The following ZNF541 variants were observed in gnomAD, a reference collection of about 807,000 sequenced individuals.
The protein encoded by ZNF541 is zinc finger protein 541.
ZNF541 carries 23 observed loss-of-function variants against 123.5 expected under a neutral mutation model. That is an observed-to-expected ratio of 0.19 (90% CI 0.13 to 0.26). The LOEUF (loss-of-function observed/expected upper bound fraction) is 0.26. Among genes scored for constraint, ZNF541 ranks in the 10% least tolerant of loss-of-function variants. ZNF541 has a pLI of 1.00. For missense variants in ZNF541, 1,612 were observed against 1,789.9 expected (o/e 0.90, Z 1.79); for synonymous variants, 751 against 754.5 (o/e 1.00, Z 0.08).
At position 47,561,574 on chromosome 19, in the gene ZNF541, C is replaced by T. The variant is rs138109439; in HGVS notation, c.-98-5620G>A. On this transcript the variant is annotated intron_variant, in intron 2 of 16. Coordinates refer to ENST00000391901, the MANE Select transcript of ZNF541 (RefSeq NM_001277075.3). The stretch of plus-strand genomic sequence containing the variant: ...GTTTGGAAAGGACCAGAGAAGGCTT[C>T]CAAGCTCTCACCTCTGGCTGACCTT... Among the ~76,000 whole-genome samples the T allele has an allele frequency of 1.2e-3, 177 of 152,238 alleles. 1 individual carries two copies. The highest frequency in any genetic ancestry group is 6.8e-3 in the Middle Eastern group (2 of 294).
upstream of ZNF541, among the ~76,000 whole-genome samples, chr19:47,573,195 C>G (rs1461945996): frequency 6.7e-6 from 1 of 150,244 alleles, no homozygotes; most frequent in Non-Finnish European, 1.5e-5. Context: ...GGCCCACCCC[C>G]GGATCTCCTC....
chr19:47,549,581 C>T (rs1600036108), intron 3 of ZNF541, 96 bp from the exon 4 acceptor site: 10 of 1,497,140 alleles, frequency 6.7e-6, no homozygotes, highest in Non-Finnish European at 9.0e-6. Flanking sequence ...CCATGGTGGC[C>T]TTGTAAGTGT....
chr19:47,539,170 G>A (rs1406361610), intron 8 of ZNF541, among the ~76,000 whole-genome samples: 55 of 152,158 alleles, frequency 3.6e-4, no homozygotes, highest in Admixed American at 3.6e-3. Context: ...GGGAGGCAGG[G>A]CCCAGGCTAT....
chr19:47,521,162 G>A lies in ZNF541; in HGVS notation c.*62C>T. On this transcript the variant is annotated 3_prime_UTR_variant, in exon 17 of 17. Coordinates refer to ENST00000391901, the MANE Select transcript of ZNF541 (RefSeq NM_001277075.3). The surrounding 1 kb of genome is among the most constrained non-coding windows in gnomAD (Gnocchi z 4.2). ...GGCAGAGGGGTGCCCCAAACGCCCT[G>A]GAGAGGCCGAAGGGAGGAGGGGCAG... 6 of 1,520,836 alleles carry A rather than the reference G, an allele frequency of 3.9e-6. No homozygotes were observed. The highest frequency in any genetic ancestry group is 5.3e-6 in the Non-Finnish European group (6 of 1,128,448). The allele number at this position is 1,520,836 out of a possible 1,614,324, so 94.2% of individuals were successfully genotyped here.
chr19:47,538,272 T>G lies in ZNF541; in HGVS notation c.2964A>C (p.Leu988Phe). ...MFLVDCLLKG[L>F]FQCSPYTPPP... is the part of the protein sequence containing the mutation. ...GTGGTGTGTAGGGGGAGCACTGGAATAAGCCCTTCAGGAGGCAGTCCACCA... is the reference window on the plus strand; with the variant it reads ...GTGGTGTGTAGGGGGAGCACTGGAAGAAGCCCTTCAGGAGGCAGTCCACCA... Residue 988 changes from leucine to phenylalanine, a missense_variant, in exon 9 of 17, where the codon TTA becomes TTC. Transcript: ENST00000391901. 2.6e-6 allele frequency: 4 copies of G among 1,551,256 alleles called. No individual in the cohort carries two copies. Among genetic ancestry groups the G allele is most frequent in the Non-Finnish European group, 3.5e-6 (4 of 1,146,730 alleles).
intron 1 of ZNF541, among the ~76,000 whole-genome samples, chr19:47,572,673 C>G (rs1268918722): frequency 6.6e-6 from 1 of 150,628 alleles, no homozygotes; most frequent in Non-Finnish European, 1.5e-5. Flanking sequence ...CTGGAAGAGG[C>G]TAGCGAATGC....
rs771138312 is a variant in ZNF541 at position 47,540,303 on chromosome 19, G to A, written c.2495C>T (p.Thr832Met). The change falls in exon 7 of 17, where the codon ACG (threonine) becomes ATG (methionine). Residue 832 changes from threonine (T) to methionine (M), a missense_variant. Coordinates refer to ENST00000391901, the MANE Select transcript of ZNF541 (RefSeq NM_001277075.3). ...NQQNGSPTDWTKPRSTFVCKN... is the reference protein window; with the variant it reads ...NQQNGSPTDWMKPRSTFVCKN... Reference sequence around the variant, plus strand: ...GCAGACAAAAGTGCTCCTGGGCTTCGTCCAGTCTGTGGGACTGCCGTTTTG... The same window carrying A: ...GCAGACAAAAGTGCTCCTGGGCTTCATCCAGTCTGTGGGACTGCCGTTTTG... The A allele has an allele frequency of 5.8e-6, 9 of 1,551,980 alleles. No individual in the cohort carries two copies. The highest frequency in any genetic ancestry group is 1.4e-5 in the African/African-American group (1 of 73,046).
At position 47,521,750 on chromosome 19, in the gene ZNF541, C is replaced by T; in HGVS notation, c.3712-96G>A. ...CATACGTGTCTCCTGCAGGAAAACC[C>T]TTCCATCAGGAGCACCCCCGCCCTC... On this transcript the variant is annotated intron_variant, in intron 15 of 16. Transcript: ENST00000391901. The surrounding 1 kb of genome is among the most constrained non-coding windows in gnomAD (Gnocchi z 4.2). 1 of 1,520,014 alleles carries T rather than the reference C, an allele frequency of 6.6e-7. No individual in the cohort carries two copies. The highest frequency in any genetic ancestry group is 8.9e-7 in the Non-Finnish European group (1 of 1,128,758). 94.2% of individuals were successfully genotyped at this position (1,520,014 alleles called of 1,614,324 possible).
At chr19:47,547,429 C>T (rs1970402013) in intron 4 of ZNF541, among the ~76,000 whole-genome samples, 1 of 152,182 alleles carries the variant, frequency 6.6e-6, no homozygotes, top group South Asian at 2.1e-4. Context: ...AGGAGTACAT[C>T]ACCCTCTGGG....
chr19:47,522,786 G>C (rs531670683), intron 14 of ZNF541, among the ~76,000 whole-genome samples: 2 of 137,586 alleles, frequency 1.5e-5, no homozygotes, highest in Non-Finnish European at 3.0e-5. Flanking sequence ...TCGCTCTGTC[G>C]CCCAGGCTGG....
intron 2 of ZNF541, among the ~76,000 whole-genome samples, chr19:47,558,870 G>C (rs558545648): frequency 6.6e-6 from 1 of 151,480 alleles, no homozygotes; most frequent in African/African-American, 2.4e-5. Flanking sequence ...TCAGCCTCCC[G>C]AGTAGCTGGG....
At position 47,544,970 on chromosome 19, in the gene ZNF541, C is replaced by T. The variant is rs770418590; in HGVS notation, c.1559G>A (p.Gly520Asp). The change falls in exon 5 of 17, where the codon GGC becomes GAC. Residue 520 changes from glycine (G) to aspartate (D), a missense_variant. Transcript: ENST00000391901. ...SFLCQNPGEPGLQEAQKAGGL... is the reference protein window; with the variant it reads ...SFLCQNPGEPDLQEAQKAGGL... ...GCCTGCCTTCTGGGCCTCCTGGAGG[C>T]CGGGCTCCCCGGGGTTCTGGCACAG... The T allele has an allele frequency of 6.8e-4, 1,039 of 1,532,664 alleles. No homozygotes were observed. The highest frequency in any genetic ancestry group is 8.3e-4 in the Admixed American group (42 of 50,360). 94.9% of individuals were successfully genotyped at this position (1,532,664 alleles called of 1,614,324 possible).
At chr19:47,549,103 C>T in intron 4 of ZNF541, 142 bp downstream of exon 4, 2 of 1,122,476 alleles carry the variant, frequency 1.8e-6, no homozygotes, top group Non-Finnish European at 2.5e-6. Flanking sequence ...GTGGCTGCGG[C>T]TGAGCAGAGG....
intron 14 of ZNF541, among the ~76,000 whole-genome samples, chr19:47,523,339 T>TAAAAA (rs75366644): frequency 2.5e-4 from 26 of 105,714 alleles, no homozygotes; most frequent in African/African-American, 9.3e-4. Context: ...GCGTCTCTTT[T>TAAAAA]AAAAAAAAAA....
intron 2 of ZNF541, among the ~76,000 whole-genome samples, chr19:47,563,734 T>C (rs1568522432): frequency 6.6e-6 from 1 of 152,128 alleles, no homozygotes; most frequent in Non-Finnish European, 1.5e-5. Context: ...AGCCTCCCAG[T>C]ACCTGGGATT....
At chr19:47,542,298 A>G (rs148018111) in intron 5 of ZNF541, among the ~76,000 whole-genome samples, 1 of 152,250 alleles carries the variant, frequency 6.6e-6, no homozygotes, top group Non-Finnish European at 1.5e-5. Flanking sequence ...TGTTCTGGCA[A>G]AGAGTGGGGA....
chr19:47,522,593 A>G (rs2974196), intron 14 of ZNF541, among the ~76,000 whole-genome samples: 55,957 of 152,024 alleles, frequency 0.37, 15,388 homozygotes, highest in African/African-American at 0.78. Context: ...TCAGGAGTTC[A>G]AGACCAGCCT....
chr19:47,523,422 G>A (rs542691711), intron 14 of ZNF541, among the ~76,000 whole-genome samples: 13 of 150,048 alleles, frequency 8.7e-5, no homozygotes, highest in Non-Finnish European at 1.6e-4. Flanking sequence ...GCTATTGAGC[G>A]AACTCCAGAA....
chr19:47,526,496 A>AAAAAAAAG (rs573697191), intron 14 of ZNF541, among the ~76,000 whole-genome samples: 2 of 137,362 alleles, frequency 1.5e-5, no homozygotes, highest in Admixed American at 7.5e-5. Context: ...AAAAAAAAAA[A>AAAAAAAAG]AAAAGAAAAC....
Sources: gnomAD v4.1 joint callset for allele counts (sites outside exome capture counted in the v4.1 genomes callset) on GRCh38, gnomAD v4.1.1 for gene constraint, Gnocchi (gnomAD v3.1) non-coding constraint, MANE v1.5 for transcripts, NCBI Gene and HGNC (gene_info 2026-07-23, HGNC 2026-07-21) for gene names.